SCAPER: variants seen among roughly 807,000 people sequenced by gnomAD.
The protein encoded by SCAPER is S phase cyclin A-associated protein in the endoplasmic reticulum.
In SCAPER, 98 loss-of-function variants were observed where a neutral mutation model predicts 182.2. The observed-to-expected ratio is 0.54, with a 90% CI of 0.46 to 0.64. The LOEUF (loss-of-function observed/expected upper bound fraction) is 0.64. Among genes scored for constraint, SCAPER ranks in the 30% least tolerant of loss-of-function variants. The pLI is 0.00. For missense variants in SCAPER, 1,432 were observed against 1,690.0 expected, an observed-to-expected ratio of 0.85 and a Z score of 2.68; for synonymous variants, 605 against 564.6, an observed-to-expected ratio of 1.07 and a Z score of -1.01.
intron 24 of SCAPER, among the ~76,000 whole-genome samples, chr15:76,483,421 C>G (rs1465155724): frequency 6.6e-6 from 1 of 151,798 alleles, no homozygotes; most frequent in African/African-American, 2.4e-5. Flanking sequence ...AGGAGAAACT[C>G]AAAATGATCC....
chr15:76,793,182 C>A, intron 8 of SCAPER: 2 of 1,065,538 alleles, frequency 1.9e-6, no homozygotes, highest in Non-Finnish European at 2.7e-6. Context: ...ACAAAAATTA[C>A]AAACTTCAGT....
chr15:76,851,300 A>G (rs2151831332), intron 4 of SCAPER, among the ~76,000 whole-genome samples: 1 of 152,324 alleles, frequency 6.6e-6, no homozygotes, highest in South Asian at 2.1e-4. Flanking sequence ...CCCAACCTTG[A>G]TAGAGAGGCC....
intron 25 of SCAPER, among the ~76,000 whole-genome samples, chr15:76,444,381 C>G (rs2047845993): frequency 1.3e-5 from 2 of 152,122 alleles, no homozygotes; most frequent in South Asian, 2.1e-4. Context: ...CTTGATGGAA[C>G]TTAAGTTAAA....
chr15:76,353,996 T>A lies in SCAPER; in HGVS notation c.4000A>T (p.Ile1334Phe), dbSNP rs369331107. Reference protein sequence around the residue: ...ACYNNHQNKIILEQEMSCVLL... With the variant: ...ACYNNHQNKIFLEQEMSCVLL... ...ACACAGCTCATCTCTTGCTCCAGAA[T>A]GATCTTGTTCTGATGGTTGTTGTAA... Residue 1334 changes from isoleucine to phenylalanine, a missense_variant, in exon 30 of 32, where the codon ATT becomes TTT. Around this residue, in one of 5 missense-constraint regions of SCAPER, gnomAD observed 718 missense variants for 799.7 expected, o/e 0.90. Transcript: ENST00000563290. The A allele has an allele frequency of 6.3e-7, 1 of 1,599,924 alleles. No individual in the cohort carries two copies. The highest frequency in any genetic ancestry group is 1.4e-5 in the African/African-American group (1 of 73,908).
At chr15:76,627,994 A>G (rs2052745420) in intron 21 of SCAPER, among the ~76,000 whole-genome samples, 1 of 152,194 alleles carries the variant, frequency 6.6e-6, no homozygotes, top group Non-Finnish European at 1.5e-5. Flanking sequence ...GACCGGCATG[A>G]GATGGTATCT....
chr15:76,721,792 G>T (rs2060260078), intron 17 of SCAPER, among the ~76,000 whole-genome samples: 1 of 152,152 alleles, frequency 6.6e-6, no homozygotes, highest in Admixed American at 6.6e-5. Flanking sequence ...CTGAGACTTT[G>T]CTGAAGTTGC....
At chr15:76,424,470 G>A (rs2046275766) in intron 26 of SCAPER, among the ~76,000 whole-genome samples, 1 of 151,948 alleles carries the variant, frequency 6.6e-6, no homozygotes, top group Non-Finnish European at 1.5e-5. Flanking sequence ...CCATTTGCTT[G>A]GTAGACTTCC....
chr15:76,460,566 T>C (rs2049090396), intron 25 of SCAPER, among the ~76,000 whole-genome samples: 1 of 152,168 alleles, frequency 6.6e-6, no homozygotes, highest in African/African-American at 2.4e-5. Flanking sequence ...TCACTAAAAT[T>C]GGAAAATATT....
intron 22 of SCAPER, among the ~76,000 whole-genome samples, chr15:76,586,056 A>G (rs1335542952): frequency 1.3e-5 from 2 of 152,206 alleles, no homozygotes; most frequent in Non-Finnish European, 2.9e-5. Context: ...TGTAAGATCA[A>G]TATTTTCTTC....
At chr15:76,494,486 C>T (rs1051719649) in intron 24 of SCAPER, among the ~76,000 whole-genome samples, 12 of 152,068 alleles carry the variant, frequency 7.9e-5, no homozygotes, top group African/African-American at 1.9e-4. Flanking sequence ...CAAAACCAAT[C>T]GACTAAACAA....
intron 23 of SCAPER, among the ~76,000 whole-genome samples, chr15:76,569,537 C>T (rs2047286661): frequency 6.6e-6 from 1 of 151,998 alleles, no homozygotes; most frequent in South Asian, 2.1e-4. Flanking sequence ...ACATGGATTT[C>T]TTTTTATTTA....
intron 15 of SCAPER, among the ~76,000 whole-genome samples, chr15:76,742,185 T>C (rs1348388348): frequency 6.6e-6 from 1 of 151,566 alleles, no homozygotes; most frequent in Non-Finnish European, 1.5e-5. Flanking sequence ...CAAAGGCAAA[T>C]ATAGTTGCAG....
rs2042940236 is a variant in SCAPER at position 76,381,510 on chromosome 15, G to A, written c.3573C>T (p.Leu1191=). The change falls in exon 28 of 32, where the codon CTC becomes CTT. Residue 1191 remains leucine, a synonymous_variant. Coordinates refer to ENST00000563290, the MANE Select transcript of SCAPER (RefSeq NM_020843.4). ...TGGGGTCCAAGATGGTGCCATGGAAGAGGACACAGTAGAGCATATGAAGAA... is the reference window on the plus strand; with the variant it reads ...TGGGGTCCAAGATGGTGCCATGGAAAAGGACACAGTAGAGCATATGAAGAA... ...AGVLHMLYCV[L]FHGTILDPST... 1 of 1,613,534 alleles carries A rather than the reference G, an allele frequency of 6.2e-7. No individual in the cohort carries two copies. The highest frequency in any genetic ancestry group is 1.3e-5 in the African/African-American group (1 of 75,042).
intron 8 of SCAPER, among the ~76,000 whole-genome samples, chr15:76,792,367 G>A (rs2065055323): frequency 6.6e-6 from 1 of 152,072 alleles, no homozygotes; most frequent in African/African-American, 2.4e-5. Context: ...GCAGTCTTGG[G>A]AGACTGGCAA....
At chr15:76,699,869 G>A (rs746209841) in intron 20 of SCAPER, among the ~76,000 whole-genome samples, 2 of 152,216 alleles carry the variant, frequency 1.3e-5, no homozygotes, top group Non-Finnish European at 2.9e-5. Flanking sequence ...GCACACTGGT[G>A]ATGGCAGGGC....
chr15:76,784,671 C>A (rs1436770175), intron 8 of SCAPER, among the ~76,000 whole-genome samples: 3 of 152,178 alleles, frequency 2.0e-5, no homozygotes, highest in African/African-American at 7.2e-5. Flanking sequence ...CAGCATGGTA[C>A]CAGTACCAAA....
At chr15:76,678,658 C>T (rs536312641) in intron 20 of SCAPER, among the ~76,000 whole-genome samples, 14 of 151,354 alleles carry the variant, frequency 9.2e-5, no homozygotes, top group African/African-American at 1.2e-4. Context: ...GATCAAGGTA[C>T]CTGGAAGAGA....
At chr15:76,792,098 G>A (rs1423481739) in intron 8 of SCAPER, among the ~76,000 whole-genome samples, 1 of 150,090 alleles carries the variant, frequency 6.7e-6, no homozygotes, top group East Asian at 2.0e-4. Context: ...TGTTAAGACT[G>A]TGAGTGATGC....
chr15:76,886,901 C>T (rs2073870196), intron 1 of SCAPER, among the ~76,000 whole-genome samples: 2 of 152,144 alleles, frequency 1.3e-5, no homozygotes, highest in South Asian at 4.1e-4. Flanking sequence ...AATGCAGGAA[C>T]AGAAAACCAA....
Sources: gnomAD v4.1 joint callset for allele counts (sites outside exome capture counted in the v4.1 genomes callset) on GRCh38, gnomAD v4.1.1 for gene constraint, gnomAD v4.1.1 regional missense constraint, MANE v1.5 for transcripts, NCBI Gene and HGNC (gene_info 2026-07-23, HGNC 2026-07-21) for gene names.